Variants in WWC2 observed in about 807,000 individuals in gnomAD.
WWC2 encodes protein WWC2.
WWC2 carries 101 observed loss-of-function variants against 138.5 expected under a neutral mutation model. That is an observed-to-expected ratio of 0.73 (90% CI 0.62 to 0.86). The LOEUF (loss-of-function observed/expected upper bound fraction) is 0.86. Among genes scored for constraint, WWC2 ranks in the 40% least tolerant of loss-of-function variants. The pLI is 0.00. For synonymous variants in WWC2, 558 were observed against 538.4 expected (o/e 1.04, Z -0.50); for missense variants, 1,420 against 1,419.4 (o/e 1.00, Z -0.01).
intron 1 of WWC2, 28 bp downstream of exon 1, chr4:183,099,650 C>G (rs1464014706): frequency 7.8e-7 from 1 of 1,277,458 alleles, no homozygotes; most frequent in Non-Finnish European, 1.0e-6. Flanking sequence ...GGGCGCGGGC[C>G]CGTTCGGACA....
In WWC2 at chr4:183,319,138, C is replaced by T. The variant is rs1030558646; in HGVS notation, c.*3409C>T. Reference sequence around the variant, plus strand: ...CTAGTAATTATTTTATATAATAAGACGTCATGCATTTTAAATAAATATGCA... The same window carrying T: ...CTAGTAATTATTTTATATAATAAGATGTCATGCATTTTAAATAAATATGCA... On this transcript the variant is annotated 3_prime_UTR_variant, in exon 23 of 23. Coordinates refer to ENST00000403733, the MANE Select transcript of WWC2 (RefSeq NM_024949.6). 1.7e-4 allele frequency: 27 copies of T among 161,418 alleles called. No homozygotes were observed. The highest frequency in any genetic ancestry group is 9.8e-4 in the Admixed American group (17 of 17,360). 10.0% of individuals were successfully genotyped at this position (161,418 alleles called of 1,614,324 possible).
intron 1 of WWC2, among the ~76,000 whole-genome samples, chr4:183,183,090 T>C (rs377477027): frequency 1.3e-5 from 2 of 152,342 alleles, no homozygotes; most frequent in African/African-American, 4.8e-5. Flanking sequence ...AGGTGGCAGC[T>C]GATCCCTGTG....
chr4:183,226,250 A>G (rs1432359260), intron 4 of WWC2, among the ~76,000 whole-genome samples: 2 of 151,762 alleles, frequency 1.3e-5, no homozygotes, highest in Non-Finnish European at 2.9e-5. Context: ...GTGGTATACT[A>G]CCATGCCTGG....
At chr4:183,291,624 G>C (rs1738453570) in intron 21 of WWC2, among the ~76,000 whole-genome samples, 6 of 152,044 alleles carry the variant, frequency 3.9e-5, no homozygotes, top group Admixed American at 3.9e-4. Context: ...TTGTGTCTTT[G>C]GTTGTTTCTT....
Position 183,099,506 on chromosome 4 carries a change from C to T in WWC2, c.15C>T (p.Ala5=), listed in dbSNP as rs1187406391. 2.9e-6 allele frequency: 4 copies of T among 1,385,646 alleles called. No homozygotes were observed. In the East Asian group the frequency reaches 1.3e-4, roughly 45 times the overall value. The allele number at this position is 1,385,646 out of a possible 1,614,324, so 85.8% of individuals were successfully genotyped here. Residue 5 remains alanine (A), a synonymous_variant, in exon 1 of 23, where the codon GCC becomes GCT. Transcript: ENST00000403733. Reference sequence around the variant, plus strand: ...GGCCGCCGACCATGCCTAGGAGGGCCGGGAGCGGTCAGCTGCCGCTGCCCC... The same window carrying T: ...GGCCGCCGACCATGCCTAGGAGGGCTGGGAGCGGTCAGCTGCCGCTGCCCC... MPRR[A]GSGQLPLPRG... is the part of the protein sequence containing the mutation.
In WWC2 at chr4:183,140,980, T is replaced by C. The variant is rs141934345; in HGVS notation, c.131+41358T>C. On this transcript the variant is annotated intron_variant, in intron 1 of 22. Coordinates refer to ENST00000403733, the MANE Select transcript of WWC2 (RefSeq NM_024949.6). ...GCATAGTATTATTTTGGGAGTAAAA[T>C]TGGATAATTGTGCTCTGAATAAGTG... is the stretch of plus-strand genomic sequence containing the variant. Among the ~76,000 whole-genome samples, 210 of 152,278 alleles carry C rather than the reference T, an allele frequency of 1.4e-3. 1 individual carries two copies. Among genetic ancestry groups the C allele is most frequent in the African/African-American group, 4.9e-3 (202 of 41,548 alleles).
At chr4:183,171,536 G>C (rs1434574834) in intron 1 of WWC2, among the ~76,000 whole-genome samples, 2 of 152,158 alleles carry the variant, frequency 1.3e-5, no homozygotes, top group Non-Finnish European at 2.9e-5. Context: ...TTTGAAATCA[G>C]TAAATAAACA....
At chr4:183,159,729 T>TAAAA (rs1162694124) in intron 1 of WWC2, among the ~76,000 whole-genome samples, 5 of 74,418 alleles carry the variant, frequency 6.7e-5, no homozygotes, top group African/African-American at 2.3e-4. Flanking sequence ...TTTTTTTTTT[T>TAAAA]AAAAAAAAAA....
At chr4:183,301,410 A>G (rs1191580338) in intron 21 of WWC2, among the ~76,000 whole-genome samples, 2 of 152,202 alleles carry the variant, frequency 1.3e-5, no homozygotes, top group African/African-American at 4.8e-5. Flanking sequence ...GGCTGCTTTT[A>G]TAGACAAACC....
At chr4:183,169,420 T>C (rs765103107) in intron 1 of WWC2, among the ~76,000 whole-genome samples, 1 of 122,278 alleles carries the variant, frequency 8.2e-6, no homozygotes, top group Non-Finnish European at 1.7e-5. Context: ...TAACACGGAC[T>C]CAAAGCTTTT....
At chr4:183,228,684 G>A (rs1050090355) in intron 4 of WWC2, among the ~76,000 whole-genome samples, 3 of 152,188 alleles carry the variant, frequency 2.0e-5, no homozygotes, top group Admixed American at 1.3e-4. Flanking sequence ...ATGAAGCGTC[G>A]TTAAGGATGT....
intron 1 of WWC2, among the ~76,000 whole-genome samples, chr4:183,190,286 A>G (rs1445826268): frequency 6.6e-6 from 1 of 152,196 alleles, no homozygotes; most frequent in African/African-American, 2.4e-5. Context: ...TGTGCACAAC[A>G]AGAGGAAGAA....
At chr4:183,198,411 TGGG>T (rs1735203210) in intron 2 of WWC2, among the ~76,000 whole-genome samples, 1 of 152,120 alleles carries the variant, frequency 6.6e-6, no homozygotes, top group East Asian at 1.9e-4. Flanking sequence ...TTTCATTTTT[TGGG>T]GGTAGAGATG....
intron 5 of WWC2, chr4:183,240,729 C>T (rs1319772177): frequency 2.0e-5 from 3 of 152,662 alleles, no homozygotes; most frequent in African/African-American, 7.2e-5. Context: ...AGAGTCTAAC[C>T]CTGACAGATG....
At chr4:183,253,386 C>T (rs963498334) in intron 8 of WWC2, among the ~76,000 whole-genome samples, 3 of 152,184 alleles carry the variant, frequency 2.0e-5, no homozygotes, top group Non-Finnish European at 4.4e-5. Flanking sequence ...ACCCCCCAGG[C>T]ATCTTTCCTG....
chr4:183,237,369 A>G (rs1736460271), intron 4 of WWC2, among the ~76,000 whole-genome samples: 2 of 151,912 alleles, frequency 1.3e-5, no homozygotes, highest in Admixed American at 1.3e-4. Flanking sequence ...ATGCTGTTCT[A>G]AATAGAAATA....
intron 20 of WWC2, among the ~76,000 whole-genome samples, 175 bp from the exon 21 acceptor site, chr4:183,289,218 A>G (rs1415775306): frequency 6.6e-6 from 1 of 152,202 alleles, no homozygotes; most frequent in Non-Finnish European, 1.5e-5. Context: ...GCCAGAAGTA[A>G]GGCATGTCTC....
In WWC2 at chr4:183,265,250, A is replaced by T. The variant is rs1480179686; in HGVS notation, c.2039+143A>T. ...AGCCGTTAAAGAAGTGGTGTGCCTG[A>T]AAAGTTCAGTATATCAAAAATGACT... On this transcript the variant is annotated intron_variant, in intron 12 of 22. Transcript: ENST00000403733. 1.1e-5 allele frequency: 13 copies of T among 1,199,928 alleles called. No individual in the cohort carries two copies. The Admixed American group carries it at 1.3e-4, about 12-fold the overall frequency. 74.3% of individuals were successfully genotyped at this position (1,199,928 alleles called of 1,614,324 possible).
chr4:183,199,200 G>T (rs867724936), intron 2 of WWC2, among the ~76,000 whole-genome samples: 1 of 152,202 alleles, frequency 6.6e-6, no homozygotes, highest in African/African-American at 2.4e-5. Context: ...AAGACATGCA[G>T]GAAATTCAGT....
Sources: gnomAD v4.1 joint callset for allele counts (sites outside exome capture counted in the v4.1 genomes callset) on GRCh38, gnomAD v4.1.1 for gene constraint, MANE v1.5 for transcripts, NCBI Gene and HGNC (gene_info 2026-07-23, HGNC 2026-07-21) for gene names.